Variants in ENTPD4 observed in about 807,000 individuals in gnomAD.
ENTPD4 encodes the protein Golgi UDPase.
ENTPD4 carries 60 observed loss-of-function variants against 79.1 expected under a neutral mutation model. That is an observed-to-expected ratio of 0.76 (90% confidence interval 0.62 to 0.94). ENTPD4 has a LOEUF of 0.94. Among genes scored for constraint, ENTPD4 ranks in the 40% least tolerant of loss-of-function variants. The probability of loss-of-function intolerance (pLI) is 0.00; values close to 1 mark genes in which losing one functional copy is unlikely to be tolerated. For synonymous variants in ENTPD4, 276 were observed against 292.0 expected (o/e 0.95, Z 0.56); for missense variants, 772 against 775.1 (o/e 1.00, Z 0.05).
At position 23,441,089 on chromosome 8, in the gene ENTPD4, G is replaced by C. The variant is rs539598175; in HGVS notation, c.882+480C>G. Among the ~76,000 whole-genome samples the C allele has an allele frequency of 3.9e-5, 6 of 152,350 alleles. No individual in the cohort carries two copies. The South Asian group carries it at 1.2e-3, about 32-fold the overall frequency. Reference sequence around the variant, plus strand: ...AGACAAGGCTGCCCAGGCAGCAACTGAGAGGGCACAGAACAGGGTGGAGAA... The same window carrying C: ...AGACAAGGCTGCCCAGGCAGCAACTCAGAGGGCACAGAACAGGGTGGAGAA... On this transcript the variant is annotated intron_variant, in intron 8 of 12. Coordinates refer to ENST00000358689, the MANE Select transcript of ENTPD4 (RefSeq NM_004901.5).
At position 23,450,002 on chromosome 8, in the gene ENTPD4, T is replaced by TGGCCGGCCGGGGACCCCGGGAGCGGGGGA; in HGVS notation, c.-97-6_-97-5insTCCCCCGCTCCCGGGGTCCCCGGCCGGCC. 1 of 1,446,544 alleles carries TGGCCGGCCGGGGACCCCGGGAGCGGGGGA rather than the reference T, an allele frequency of 6.9e-7. No individual in the cohort carries two copies. The highest frequency in any genetic ancestry group is 9.7e-7 in the Non-Finnish European group (1 of 1,029,094). The allele number at this position is 1,446,544 out of a possible 1,614,324, so 89.6% of individuals were successfully genotyped here. ...CCTCACGGAGTTAGAGCCCTCCTGTTCCAGGAAGTGAGACAAATCACAAAG... is the reference window on the plus strand; with the variant it reads ...CCTCACGGAGTTAGAGCCCTCCTGTTGGCCGGCCGGGGACCCCGGGAGCGGGGGACCAGGAAGTGAGACAAATCACAAAG... On this transcript the variant is annotated splice_region_variant and splice_polypyrimidine_tract_variant and intron_variant, in intron 1 of 12. Coordinates refer to ENST00000358689, the MANE Select transcript of ENTPD4 (RefSeq NM_004901.5).
chr8:23,432,822 A>G lies in ENTPD4; in HGVS notation c.*104T>C, dbSNP rs1366629241. 1 of 1,448,204 alleles carries G rather than the reference A, an allele frequency of 6.9e-7. No individual in the cohort carries two copies. The highest frequency in any genetic ancestry group is 9.1e-7 in the Non-Finnish European group (1 of 1,101,252). The allele number at this position is 1,448,204 out of a possible 1,614,324, so 89.7% of individuals were successfully genotyped here. A position where few individuals can be genotyped will look rare whatever the true frequency, so the allele number is the denominator to read the frequency against. On this transcript the variant is annotated 3_prime_UTR_variant, in exon 13 of 13. Transcript: ENST00000358689. ...CTGCATTTTGTTTTTGTTTGGAGGA[A>G]CAAAAAAGGGAAAGAAAAAACAAAA...
intron 6 of ENTPD4, among the ~76,000 whole-genome samples, chr8:23,442,919 A>G (rs1028624296): frequency 2.0e-4 from 30 of 152,016 alleles, no homozygotes; most frequent in African/African-American, 7.3e-4. Flanking sequence ...AGAGCCAGCC[A>G]ACTGTTAACA....
intron 3 of ENTPD4, among the ~76,000 whole-genome samples, chr8:23,448,298 T>C (rs1042587994): frequency 1.3e-5 from 2 of 152,234 alleles, no homozygotes; most frequent in African/African-American, 2.4e-5. Flanking sequence ...GCACAGAATC[T>C]AGTTCCTACA....
intron 9 of ENTPD4, among the ~76,000 whole-genome samples, chr8:23,438,716 A>C (rs1800613936): frequency 6.6e-6 from 1 of 152,192 alleles, no homozygotes; most frequent in Non-Finnish European, 1.5e-5. Flanking sequence ...ATTATACCAA[A>C]ATGTGCTAAA....
At chr8:23,451,837 A>G (rs1194402295) in intron 1 of ENTPD4, among the ~76,000 whole-genome samples, 1 of 152,062 alleles carries the variant, frequency 6.6e-6, no homozygotes, top group African/African-American at 2.4e-5. Context: ...CTCAAGGAGG[A>G]CTTCCCTGGT....
At position 23,444,567 on chromosome 8, in the gene ENTPD4, T is replaced by C. The variant is rs147862130; in HGVS notation, c.452A>G (p.Asp151Gly). 19 of 1,614,168 alleles carry C rather than the reference T, an allele frequency of 1.2e-5. No homozygotes were observed. The highest frequency in any genetic ancestry group is 1.4e-5 in the Non-Finnish European group (17 of 1,179,984). ...EFATSPEKVS[D>G]YISPLLNFAA... is the part of the protein sequence containing the mutation. ...AAAGTTCAAAAGTGGAGAAATGTAA[T>C]CACTGACTTTCTCTGGAGAGGTAGC... Residue 151 changes from aspartate to glycine, a missense_variant, in exon 5 of 13, where the codon GAT (aspartate) becomes GGT (glycine). Asp to Gly is a moderately conservative substitution (Grantham distance 94). Coordinates refer to ENST00000358689, the MANE Select transcript of ENTPD4 (RefSeq NM_004901.5).
Position 23,430,650 on chromosome 8 carries a change from G to A in ENTPD4, c.*2276C>T. ...ACTACCTCTCAGCTGGAGCAATGAG[G>A]TTTTCTCAGCCCTTGTTTCAGGATC... On this transcript the variant is annotated 3_prime_UTR_variant, in exon 13 of 13. Transcript: ENST00000358689. The A allele has an allele frequency of 4.1e-6, 4 of 985,450 alleles. No individual in the cohort carries two copies. The highest frequency in any genetic ancestry group is 4.8e-6 in the Non-Finnish European group (4 of 829,964). 61.0% of individuals were successfully genotyped at this position (985,450 alleles called of 1,614,324 possible). A position where few individuals can be genotyped will look rare whatever the true frequency, so the allele number is the denominator to read the frequency against.
intron 6 of ENTPD4, 99 bp downstream of exon 6, chr8:23,443,751 T>A (rs1305729083): frequency 1.6e-6 from 1 of 639,660 alleles, no homozygotes; most frequent in Non-Finnish European, 2.8e-6. Context: ...TTCCCAAATG[T>A]TAAGACAATA....
In ENTPD4 at chr8:23,447,854, T is replaced by C. The variant is rs1800789118; in HGVS notation, c.238A>G (p.Thr80Ala). Residue 80 changes from threonine (T) to alanine (A), a missense_variant, in exon 4 of 13, where the codon ACA (threonine) becomes GCA (alanine). Coordinates refer to ENST00000358689, the MANE Select transcript of ENTPD4 (RefSeq NM_004901.5). ...YLARVTDIEA[T>A]DTNNPNVNYG... Reference sequence around the variant, plus strand: ...TTCACATTGGGGTTATTGGTGTCTGTAGCTTCAATGTCGGTAACTCGTGCC... The same window carrying C: ...TTCACATTGGGGTTATTGGTGTCTGCAGCTTCAATGTCGGTAACTCGTGCC... The C allele has an allele frequency of 1.2e-6, 2 of 1,614,086 alleles. No individual in the cohort carries two copies. Among genetic ancestry groups the C allele is most frequent in the Admixed American group, 1.7e-5 (1 of 60,010 alleles).
chr8:23,455,071 C>A (rs1027466725), intron 1 of ENTPD4, among the ~76,000 whole-genome samples: 3 of 152,178 alleles, frequency 2.0e-5, no homozygotes, highest in Non-Finnish European at 2.9e-5. Context: ...CCCTACTTGG[C>A]TGAACATTAT....
At chr8:23,442,166 CCT>C (rs1162953920) in intron 6 of ENTPD4, 100 bp from the exon 7 acceptor site, 2 of 738,666 alleles carry the variant, frequency 2.7e-6, no homozygotes, top group Admixed American at 2.3e-5. Context: ...TATTTCACTC[CCT>C]GATAACCTGT....
In ENTPD4 at chr8:23,443,879, T is replaced by C. The variant is rs1260928126; in HGVS notation, c.638A>G (p.His213Arg). ...TTGTTTCCCAGAAATTACTTCTGCA[T>C]GAGAGTCAGAAAACAGAAAGTCAAA... ...VHFDFLFSDSHAEVISGKQEG... is the reference protein window; with the variant it reads ...VHFDFLFSDSRAEVISGKQEG... Residue 213 changes from histidine (H) to arginine (R), a missense_variant, in exon 6 of 13, where the codon CAT (histidine) becomes CGT (arginine). Coordinates refer to ENST00000358689, the MANE Select transcript of ENTPD4 (RefSeq NM_004901.5). The C allele has an allele frequency of 6.2e-7, 1 of 1,613,486 alleles. No individual in the cohort carries two copies. The highest frequency in any genetic ancestry group is 8.5e-7 in the Non-Finnish European group (1 of 1,179,466).
chr8:23,431,604 C>A lies in ENTPD4; in HGVS notation c.*1322G>T. On this transcript the variant is annotated 3_prime_UTR_variant, in exon 13 of 13. Transcript: ENST00000358689. ...TTACAGTGGTGCTGCCAGCAACAGC[C>A]TCAGTCAATGCGGTTAGGAAGAGGA... is the stretch of plus-strand genomic sequence containing the variant. 7.1e-6 allele frequency: 7 copies of A among 985,392 alleles called. No homozygotes were observed. Among genetic ancestry groups the A allele is most frequent in the Non-Finnish European group, 8.4e-6 (7 of 829,946 alleles). 61.0% of individuals were successfully genotyped at this position (985,392 alleles called of 1,614,324 possible).
intron 10 of ENTPD4, among the ~76,000 whole-genome samples, chr8:23,436,527 C>G (rs1312184027): frequency 6.6e-6 from 1 of 152,030 alleles, no homozygotes; most frequent in African/African-American, 2.4e-5. Context: ...ACCTGAAGAT[C>G]AGGGGCCAAG....
Position 23,439,895 on chromosome 8 carries a change from C to G in ENTPD4, c.903G>C (p.Leu301Phe), listed in dbSNP as rs1800637274. The stretch of plus-strand genomic sequence containing the variant: ...CACATCCCAAGTTAAATTCAGCTAA[C>G]AAGTTTTTAGCTACTTCTTCCTGCA... The part of the protein sequence containing the change: ...SSQQEEVAKN[L>F]LAEFNLGCDV... The change falls in exon 9 of 13, where the codon TTG (leucine) becomes TTC (phenylalanine). Residue 301 changes from leucine to phenylalanine, a missense_variant. Coordinates refer to ENST00000358689, the MANE Select transcript of ENTPD4 (RefSeq NM_004901.5). 1.2e-6 allele frequency: 2 copies of G among 1,614,022 alleles called. No individual in the cohort carries two copies. The highest frequency in any genetic ancestry group is 2.2e-5 in the East Asian group (1 of 44,884).
rs762218327 is a variant in ENTPD4, at chr8:23,432,948, T to C, written c.1829A>G (p.Gln610Arg). ...GGATCACAAGGTCCCCGGGGCATTC[T>C]GGGCGGGAAGGCCCTCCTCCATCCA... Reference protein sequence around the residue: ...ALWMEEGLPAQNAPGTL With the variant: ...ALWMEEGLPARNAPGTL The change falls in exon 13 of 13, where the codon CAG (glutamine) becomes CGG (arginine). Residue 610 changes from glutamine (Q) to arginine (R), a missense_variant. Coordinates refer to ENST00000358689, the MANE Select transcript of ENTPD4 (RefSeq NM_004901.5). The C allele has an allele frequency of 3.7e-6, 6 of 1,608,296 alleles. No homozygotes were observed. In the East Asian group the frequency reaches 1.3e-4, roughly 36 times the overall value.
In ENTPD4 at chr8:23,432,285, C is replaced by T; in HGVS notation, c.*641G>A. 2.0e-6 allele frequency: 2 copies of T among 985,354 alleles called. No homozygotes were observed. Among genetic ancestry groups the T allele is most frequent in the South Asian group, 9.4e-5 (2 of 21,286 alleles). 61.0% of individuals were successfully genotyped at this position (985,354 alleles called of 1,614,324 possible). On this transcript the variant is annotated 3_prime_UTR_variant, in exon 13 of 13. Transcript: ENST00000358689. Reference sequence around the variant, plus strand: ...AAGCATCACTATTCAGTCCCCTCTCCACTGACAGAATGCATCTTTCCACCT... The same window carrying T: ...AAGCATCACTATTCAGTCCCCTCTCTACTGACAGAATGCATCTTTCCACCT...
intron 2 of ENTPD4, 122 bp downstream of exon 2, chr8:23,449,771 C>T: frequency 1.1e-6 from 1 of 875,852 alleles, no homozygotes; most frequent in East Asian, 2.5e-5. Context: ...GAAAAAAGGT[C>T]TTAAACAGAA....
Sources: gnomAD v4.1 joint callset for allele counts (sites outside exome capture counted in the v4.1 genomes callset) on GRCh38, gnomAD v4.1.1 for gene constraint, MANE v1.5 for transcripts, NCBI Gene and HGNC (gene_info 2026-07-23, HGNC 2026-07-21) for gene names.